Variants in NR5A2 observed in about 807,000 individuals in gnomAD.
The protein encoded by NR5A2 is CYP7A promoter-binding factor.
In NR5A2, 26 loss-of-function variants were observed where a neutral mutation model predicts 62.7. The observed-to-expected ratio is 0.41, with a 90% CI of 0.30 to 0.58. The LOEUF (loss-of-function observed/expected upper bound fraction) is 0.58, where lower values mean the gene tolerates loss of function less well. NR5A2 is among the 20% of genes least tolerant of loss of function. NR5A2 has a pLI of 0.22. For synonymous variants in NR5A2, 246 were observed against 241.7 expected (o/e 1.02, Z -0.16); for missense variants, 541 against 669.1 (o/e 0.81, Z 2.11).
intron 5 of NR5A2, among the ~76,000 whole-genome samples, chr1:200,090,614 G>A (rs11800151): frequency 0.026 from 3,982 of 152,270 alleles, 178 homozygotes; most frequent in African/African-American, 0.091. Context: ...ATTAAAGATT[G>A]ATGCCAAATG....
chr1:200,038,792 A>C lies in NR5A2; in HGVS notation c.65-866A>C, dbSNP rs773112491. Reference sequence around the variant, plus strand: ...CTAGCTGTAAGACCCGGCTGCATTTACATCCCCCCGCCCCGGGCCAGGGTG... The same window carrying C: ...CTAGCTGTAAGACCCGGCTGCATTTCCATCCCCCCGCCCCGGGCCAGGGTG... On this transcript the variant is annotated intron_variant, in intron 1 of 7. Transcript: ENST00000367362. 15 of 1,310,214 alleles carry C rather than the reference A, an allele frequency of 1.1e-5. No homozygotes were observed. The East Asian group carries it at 6.5e-4, about 57-fold the overall frequency. 81.2% of individuals were successfully genotyped at this position (1,310,214 alleles called of 1,614,324 possible). A position where few individuals can be genotyped will look rare whatever the true frequency, so the allele number is the denominator to read the frequency against.
At chr1:200,073,227 T>C (rs1400335955) in intron 5 of NR5A2, among the ~76,000 whole-genome samples, 1 of 107,368 alleles carries the variant, frequency 9.3e-6, no homozygotes, top group Non-Finnish European at 1.8e-5. Context: ...GGTCAAAGCA[T>C]TTACATACAT....
At position 200,147,888 on chromosome 1, in the gene NR5A2, G is replaced by A. The variant is rs2102357774; in HGVS notation, c.1379-26075G>A. On this transcript the variant is annotated intron_variant, in intron 7 of 7. Transcript: ENST00000367362. The surrounding 1 kb of genome is among the most constrained non-coding windows in gnomAD (Gnocchi z 4.9). Reference sequence around the variant, plus strand: ...AGGCGCAGTCCCCGGAGCGGTGGCCGGCGCGCGGGGAGAAGCTGCGGGCTG... The same window carrying A: ...AGGCGCAGTCCCCGGAGCGGTGGCCAGCGCGCGGGGAGAAGCTGCGGGCTG... 2 of 400,320 alleles carry A rather than the reference G, an allele frequency of 5.0e-6. No individual in the cohort carries two copies. Among genetic ancestry groups the A allele is most frequent in the Non-Finnish European group, 9.3e-6 (2 of 215,650 alleles). 24.8% of individuals were successfully genotyped at this position (400,320 alleles called of 1,614,324 possible).
chr1:200,176,073 A>G lies in NR5A2; in HGVS notation c.*1863A>G, dbSNP rs1049309036. ...GTGGAACTTAGTTCAGGGACATAGAAGAGTCTTAATGAATTAAAATCATTC... is the reference window on the plus strand; with the variant it reads ...GTGGAACTTAGTTCAGGGACATAGAGGAGTCTTAATGAATTAAAATCATTC... On this transcript the variant is annotated 3_prime_UTR_variant, in exon 8 of 8. Coordinates refer to ENST00000367362, the MANE Select transcript of NR5A2 (RefSeq NM_205860.3). 2 of 152,668 alleles carry G rather than the reference A, an allele frequency of 1.3e-5. No homozygotes were observed. The highest frequency in any genetic ancestry group is 3.8e-4 in the East Asian group (2 of 5,202). The allele number at this position is 152,668 out of a possible 1,614,324, so 9.5% of individuals were successfully genotyped here. A position where few individuals can be genotyped will look rare whatever the true frequency, so the allele number is the denominator to read the frequency against.
At chr1:200,155,962 C>T (rs1053471570) in intron 7 of NR5A2, among the ~76,000 whole-genome samples, 2 of 152,112 alleles carry the variant, frequency 1.3e-5, no homozygotes, top group Non-Finnish European at 2.9e-5. Context: ...GGTGAGCCAC[C>T]GCGCCTGGCC....
At chr1:200,099,065 G>A (rs1051150546) in intron 5 of NR5A2, among the ~76,000 whole-genome samples, 1 of 152,156 alleles carries the variant, frequency 6.6e-6, no homozygotes, top group East Asian at 1.9e-4. Context: ...ACTTAGCACT[G>A]TGACATTAAG....
At chr1:200,114,708 G>A (rs1666135399) in intron 6 of NR5A2, among the ~76,000 whole-genome samples, 2 of 152,206 alleles carry the variant, frequency 1.3e-5, no homozygotes, top group Admixed American at 6.5e-5. Flanking sequence ...CATTTATGGA[G>A]TCAACAACCC....
At chr1:200,149,509 T>C (rs2102361226) in intron 7 of NR5A2, among the ~76,000 whole-genome samples, 1 of 152,306 alleles carries the variant, frequency 6.6e-6, no homozygotes, top group South Asian at 2.1e-4. Context: ...ACTGACTCAC[T>C]AGTACTTGGA....
At chr1:200,080,330 G>A (rs1664237479) in intron 5 of NR5A2, among the ~76,000 whole-genome samples, 1 of 152,068 alleles carries the variant, frequency 6.6e-6, no homozygotes, top group Non-Finnish European at 1.5e-5. Flanking sequence ...ATTTGCCTCA[G>A]CCTCTTAATG....
intron 7 of NR5A2, among the ~76,000 whole-genome samples, chr1:200,134,574 C>T (rs891904018): frequency 1.4e-4 from 21 of 152,114 alleles, no homozygotes; most frequent in African/African-American, 4.3e-4. Flanking sequence ...GATCGCGCAA[C>T]GAAATCACCT....
Position 200,125,951 on chromosome 1 carries a change from T to C in NR5A2, c.1378+4996T>C, listed in dbSNP as rs188865209. On this transcript the variant is annotated intron_variant, in intron 7 of 7. Transcript: ENST00000367362. ...GCAGCTTCTAACTCCTAGGCTCAAA[T>C]GATCCTCTCGCCTCAGCCTCCTGAG... Among the ~76,000 whole-genome samples, 280 of 152,198 alleles carry C rather than the reference T, an allele frequency of 1.8e-3. 2 individuals are homozygous for C. The highest frequency in any genetic ancestry group is 5.9e-3 in the African/African-American group (247 of 41,516).
chr1:200,163,659 T>A (rs1254289033), intron 7 of NR5A2, among the ~76,000 whole-genome samples: 1 of 152,108 alleles, frequency 6.6e-6, no homozygotes, highest in Non-Finnish European at 1.5e-5. Flanking sequence ...TTTTGTATTT[T>A]TGTAGAGACA....
intron 7 of NR5A2, among the ~76,000 whole-genome samples, chr1:200,145,865 T>A (rs892513274): frequency 2.6e-5 from 4 of 152,156 alleles, no homozygotes; most frequent in African/African-American, 9.7e-5. Context: ...AGAAGGGCAG[T>A]CAGTTTATGC....
chr1:200,067,591 C>T (rs201601018), intron 5 of NR5A2, among the ~76,000 whole-genome samples: 21 of 151,474 alleles, frequency 1.4e-4, no homozygotes, highest in East Asian at 1.2e-3. Context: ...TGAGAACTCA[C>T]GAACACAAGG....
At position 200,147,686 on chromosome 1, in the gene NR5A2, T is replaced by C; in HGVS notation, c.1379-26277T>C. 1.5e-6 allele frequency: 1 copy of C among 684,932 alleles called. No individual in the cohort carries two copies. Among genetic ancestry groups the C allele is most frequent in the South Asian group, 1.4e-5 (1 of 71,410 alleles). The allele number at this position is 684,932 out of a possible 1,614,324, so 42.4% of individuals were successfully genotyped here. ...GACACGTGGAAGACATGGGTGGACT[T>C]GGGCTCCGAGGCGATCTCCTCCAGC... On this transcript the variant is annotated intron_variant, in intron 7 of 7. Transcript: ENST00000367362. The surrounding 1 kb of genome is among the most constrained non-coding windows in gnomAD (Gnocchi z 4.9).
chr1:200,169,150 AG>A (rs1300082461), intron 7 of NR5A2, among the ~76,000 whole-genome samples: 1 of 152,184 alleles, frequency 6.6e-6, no homozygotes, highest in East Asian at 1.9e-4. Flanking sequence ...TCAAGGCTAC[AG>A]TGAGCTACGA....
chr1:200,107,588 T>A (rs1665743567), intron 5 of NR5A2, among the ~76,000 whole-genome samples: 1 of 152,218 alleles, frequency 6.6e-6, no homozygotes, highest in Non-Finnish European at 1.5e-5. Flanking sequence ...TATGCAGATT[T>A]TGAAGTGTGT....
At chr1:200,135,709 T>C (rs1443570612) in intron 7 of NR5A2, among the ~76,000 whole-genome samples, 1 of 152,136 alleles carries the variant, frequency 6.6e-6, no homozygotes, top group Non-Finnish European at 1.5e-5. Flanking sequence ...ATCTGTAAAC[T>C]TGAAATAATA....
At chr1:200,066,292 G>T (rs1663463228) in intron 5 of NR5A2, among the ~76,000 whole-genome samples, 1 of 152,144 alleles carries the variant, frequency 6.6e-6, no homozygotes, top group Non-Finnish European at 1.5e-5. Context: ...GATGAGGCAG[G>T]CAGGACTCAG....
Sources: allele counts gnomAD v4.1 joint callset (sites outside exome capture counted in the v4.1 genomes callset), GRCh38; gene constraint gnomAD v4.1.1; non-coding constraint Gnocchi (gnomAD v3.1); transcripts MANE v1.5; gene names NCBI Gene and HGNC (gene_info 2026-07-23, HGNC 2026-07-21).